Variants in PPARGC1A observed in about 807,000 individuals in gnomAD.
The protein encoded by PPARGC1A is PPARG coactivator 1 alpha.
Under a neutral mutation model 88.7 loss-of-function variants are expected in PPARGC1A, and 25 were observed. That is an observed-to-expected ratio of 0.28 (90% CI 0.21 to 0.39). The LOEUF is 0.39. Ranked by LOEUF, PPARGC1A falls within the 10% of genes least tolerant of loss-of-function variation. PPARGC1A has a pLI of 1.00. For synonymous variants in PPARGC1A, 363 were observed against 355.6 expected, an observed-to-expected ratio of 1.02 and a Z score of -0.24; for missense variants, 880 against 968.7, an observed-to-expected ratio of 0.91 and a Z score of 1.22.
intron 2 of PPARGC1A, chr4:23,883,929 T>C (rs1716428119): frequency 6.6e-6 from 1 of 152,296 alleles, no homozygotes; most frequent in African/African-American, 2.4e-5. Flanking sequence ...TAGATGATGA[T>C]GATGATGGCA....
At chr4:24,101,702 A>G in the PPARGC1A span, among the ~76,000 whole-genome samples, 39 of 152,358 alleles carry the variant, frequency 2.6e-4, 1 homozygote, top group Middle Eastern at 3.4e-3. Context: ...AACTGACATC[A>G]TAGATACACC....
At chr4:24,396,891 G>A in the PPARGC1A span, among the ~76,000 whole-genome samples, 18 of 152,200 alleles carry the variant, frequency 1.2e-4, no homozygotes, top group Non-Finnish European at 1.8e-4. Context: ...TTGGTGTGAT[G>A]AGGAGAGCTT....
the PPARGC1A span, among the ~76,000 whole-genome samples, chr4:24,283,977 G>A: frequency 6.6e-6 from 1 of 151,924 alleles, no homozygotes; most frequent in Non-Finnish European, 1.5e-5. Context: ...GATTGGGGAG[G>A]CTACTTAAAA....
At chr4:24,442,160 A>G in the PPARGC1A span, among the ~76,000 whole-genome samples, 1 of 152,252 alleles carries the variant, frequency 6.6e-6, no homozygotes, top group South Asian at 2.1e-4. Flanking sequence ...TATAAATTAC[A>G]TAAATAATAA....
At chr4:24,093,715 T>C in the PPARGC1A span, among the ~76,000 whole-genome samples, 1 of 152,212 alleles carries the variant, frequency 6.6e-6, no homozygotes, top group African/African-American at 2.4e-5. Context: ...ATCTGCAATG[T>C]AGTTATATCT....
intron 2 of PPARGC1A, among the ~76,000 whole-genome samples, chr4:23,871,125 T>G (rs1713264877): frequency 6.6e-6 from 1 of 152,150 alleles, no homozygotes; most frequent in Non-Finnish European, 1.5e-5. Flanking sequence ...CCAGGCAACA[T>G]TTTGTAACCT....
the PPARGC1A span, among the ~76,000 whole-genome samples, chr4:24,142,631 A>C: frequency 6.6e-6 from 1 of 151,996 alleles, no homozygotes; most frequent in Admixed American, 6.6e-5. Context: ...CAGAGATCAC[A>C]CCACTGCACT....
chr4:23,951,925 T>G, the PPARGC1A span, among the ~76,000 whole-genome samples: 8 of 152,152 alleles, frequency 5.3e-5, no homozygotes, highest in Admixed American at 4.6e-4. Flanking sequence ...AAGGTAGTTG[T>G]TCATCTGGAA....
chr4:24,107,577 C>T, the PPARGC1A span, among the ~76,000 whole-genome samples: 1 of 152,174 alleles, frequency 6.6e-6, no homozygotes, highest in Non-Finnish European at 1.5e-5. Flanking sequence ...ATAAGTAGAC[C>T]TTCTCAGCTT....
At chr4:24,377,099 G>GA in the PPARGC1A span, among the ~76,000 whole-genome samples, 2,668 of 148,762 alleles carry the variant, frequency 0.018, 77 homozygotes, top group East Asian at 0.14. Context: ...TTTTTCACGT[G>GA]AAAAAAAAAT....
At chr4:23,867,773 TC>T (rs1238606964) in intron 2 of PPARGC1A, among the ~76,000 whole-genome samples, 2 of 152,192 alleles carry the variant, frequency 1.3e-5, no homozygotes, top group Non-Finnish European at 2.9e-5. Flanking sequence ...GCTTGATTCT[TC>T]CAAAAATAAG....
the PPARGC1A span, among the ~76,000 whole-genome samples, chr4:24,434,401 TGAGA>T: frequency 6.6e-6 from 1 of 152,168 alleles, no homozygotes; most frequent in African/African-American, 2.4e-5. Flanking sequence ...CCGGGAGAGC[TGAGA>T]GAGTCAGTAA....
the PPARGC1A span, among the ~76,000 whole-genome samples, chr4:24,238,319 A>C: frequency 2.0e-5 from 3 of 152,220 alleles, no homozygotes; most frequent in Admixed American, 6.5e-5. Context: ...TAAATAAAAT[A>C]AAGCATAGGC....
At chr4:23,830,973 A>T (rs1724890388) in intron 3 of PPARGC1A, among the ~76,000 whole-genome samples, 1 of 152,202 alleles carries the variant, frequency 6.6e-6, no homozygotes, top group Admixed American at 6.5e-5. Context: ...TTGATCTACC[A>T]ATTCTTTCTA....
chr4:23,807,551 T>C (rs1720035596), intron 10 of PPARGC1A, among the ~76,000 whole-genome samples: 1 of 152,288 alleles, frequency 6.6e-6, no homozygotes, highest in Admixed American at 6.5e-5. Flanking sequence ...AATAAGAGTA[T>C]GCATAACTAC....
At chr4:24,125,941 T>C in the PPARGC1A span, among the ~76,000 whole-genome samples, 2 of 152,198 alleles carry the variant, frequency 1.3e-5, no homozygotes, top group Non-Finnish European at 2.9e-5. Context: ...AAGAAGAGGA[T>C]GGGCTCAAAG....
chr4:24,353,939 G>C, the PPARGC1A span, among the ~76,000 whole-genome samples: 1 of 152,268 alleles, frequency 6.6e-6, no homozygotes, highest in Non-Finnish European at 1.5e-5. Flanking sequence ...CTTGCCCCTG[G>C]AACAAATTAT....
chr4:24,128,579 T>TGTGC, the PPARGC1A span, among the ~76,000 whole-genome samples: 7 of 135,576 alleles, frequency 5.2e-5, no homozygotes, highest in South Asian at 4.6e-4. Context: ...TGTGTGTGTG[T>TGTGC]GCACGCGCAT....
At chr4:24,234,149 A>T in the PPARGC1A span, among the ~76,000 whole-genome samples, 121 of 152,334 alleles carry the variant, frequency 7.9e-4, no homozygotes, top group African/African-American at 2.8e-3. Context: ...TGAAAGCACA[A>T]TGGGCAGATT....
Sources: gnomAD v4.1 joint callset for allele counts (sites outside exome capture counted in the v4.1 genomes callset) on GRCh38, gnomAD v4.1.1 for gene constraint, MANE v1.5 for transcripts, NCBI Gene and HGNC (gene_info 2026-07-23, HGNC 2026-07-21) for gene names.